CDK12: variants seen among roughly 807,000 people sequenced by gnomAD.
The protein encoded by CDK12 is cyclin dependent kinase 12, also known as cyclin-dependent kinase 12.
Under a neutral mutation model 133.8 loss-of-function variants are expected in CDK12, and 17 were observed. The observed-to-expected ratio is 0.13, with a 90% CI of 0.09 to 0.19. CDK12 has a LOEUF of 0.19. CDK12 is among the 10% of genes least tolerant of loss of function. The pLI, the probability that CDK12 is intolerant of heterozygous loss-of-function variation, is 1.00. For synonymous variants in CDK12, 694 were observed against 683.6 expected (o/e 1.02, Z -0.24); for missense variants, 1,508 against 1,818.7 (o/e 0.83, Z 3.11).
At chr17:39,494,479 C>T (rs1182118826) in intron 4 of CDK12, 45 bp from the exon 5 acceptor site, 2 of 1,577,572 alleles carry the variant, frequency 1.3e-6, no homozygotes, top group Middle Eastern at 1.7e-4. Context: ...ACAATAGTGG[C>T]CAAAAATGCT....
In CDK12 at chr17:39,490,584, T is replaced by G. The variant is rs1484193039; in HGVS notation, c.1959T>G (p.Pro653=). The G allele has an allele frequency of 1.9e-6, 3 of 1,612,646 alleles. No homozygotes were observed. The highest frequency in any genetic ancestry group is 2.5e-6 in the Non-Finnish European group (3 of 1,179,222). The part of the protein sequence containing the change: ...DSPKETLPSK[P]VKKEKEQRTR... Reference sequence around the variant, plus strand: ...CAAAAGAAACTCTTCCTTCAAAACCTGTGAAGAAAGAGAAGGAACAGAGGA... The same window carrying G: ...CAAAAGAAACTCTTCCTTCAAAACCGGTGAAGAAAGAGAAGGAACAGAGGA... Residue 653 remains proline (P), a synonymous_variant, in exon 3 of 14, where the codon CCT becomes CCG. Transcript: ENST00000447079.
At chr17:39,508,612 C>A (rs1464767810) in intron 6 of CDK12, among the ~76,000 whole-genome samples, 1 of 151,996 alleles carries the variant, frequency 6.6e-6, no homozygotes, top group Non-Finnish European at 1.5e-5. Context: ...TGCAGCAAAC[C>A]ACCATGGCAC....
intron 2 of CDK12, among the ~76,000 whole-genome samples, chr17:39,552,864 G>T (rs2056009596): frequency 1.3e-5 from 2 of 152,108 alleles, no homozygotes; most frequent in African/African-American, 2.4e-5. Flanking sequence ...AAGTACCTGG[G>T]ATTATAGGTG....
In CDK12 at chr17:39,504,915, A is replaced by T. The variant is rs2052992805; in HGVS notation, c.2609+3476A>T. On this transcript the variant is annotated intron_variant, in intron 6 of 13. Transcript: ENST00000447079. Reference sequence around the variant, plus strand: ...AAAAAAAAAACGCTAAGGAGAAAGAAAATCTATAAAAAGGGAGCAGTTGAA... The same window carrying T: ...AAAAAAAAAACGCTAAGGAGAAAGATAATCTATAAAAAGGGAGCAGTTGAA... Among the ~76,000 whole-genome samples the T allele has an allele frequency of 2.7e-5, 4 of 150,598 alleles. No homozygotes were observed. The South Asian group carries it at 8.4e-4, about 32-fold the overall frequency.
chr17:39,543,371 C>G (rs767855335), upstream of CDK12, among the ~76,000 whole-genome samples: 46 of 152,300 alleles, frequency 3.0e-4, no homozygotes, highest in Admixed American at 5.9e-4. Flanking sequence ...TGCCAAGATG[C>G]CTTTCCCTCT....
At chr17:39,487,834 T>C (rs921879878) in intron 2 of CDK12, among the ~76,000 whole-genome samples, 1 of 152,018 alleles carries the variant, frequency 6.6e-6, no homozygotes, top group Non-Finnish European at 1.5e-5. Flanking sequence ...AGGTTGGTCT[T>C]GAACTCCTGG....
chr17:39,499,510 CT>C (rs11386819), intron 5 of CDK12, among the ~76,000 whole-genome samples: 90 of 131,256 alleles, frequency 6.9e-4, no homozygotes, highest in Middle Eastern at 0.011. Context: ...CGCCCAGCCT[CT>C]TTTTTTTTTT....
intron 3 of CDK12, among the ~76,000 whole-genome samples, chr17:39,491,733 C>T (rs1374846896): frequency 1.4e-5 from 2 of 144,490 alleles, no homozygotes; most frequent in African/African-American, 5.1e-5. Flanking sequence ...GACAGAGTCT[C>T]CCTCTGTCAC....
intron 5 of CDK12, among the ~76,000 whole-genome samples, chr17:39,496,891 C>A (rs929664080): frequency 2.7e-5 from 4 of 145,774 alleles, no homozygotes; most frequent in Non-Finnish European, 4.5e-5. Context: ...CTCAGTGTAT[C>A]CTCCCCAACA....
intron 8 of CDK12, among the ~76,000 whole-genome samples, chr17:39,513,113 A>C (rs531246113): frequency 1.3e-5 from 2 of 152,224 alleles, no homozygotes; most frequent in South Asian, 4.1e-4. Context: ...TTCTCTAAGG[A>C]GTCTTAGTTC....
intron 8 of CDK12, among the ~76,000 whole-genome samples, chr17:39,511,968 T>C (rs930957709): frequency 2.6e-5 from 4 of 152,232 alleles, no homozygotes; most frequent in African/African-American, 9.6e-5. Flanking sequence ...TTTTGTTTCC[T>C]TATAATTTCA....
At chr17:39,522,322 G>C (rs111442816) in intron 11 of CDK12, among the ~76,000 whole-genome samples, 1 of 152,174 alleles carries the variant, frequency 6.6e-6, no homozygotes, top group African/African-American at 2.4e-5. Flanking sequence ...CCCGACCTCA[G>C]GTAATCTGCC....
chr17:39,493,291 C>T lies in CDK12; in HGVS notation c.2248+401C>T, dbSNP rs12938088. Among the ~76,000 whole-genome samples the T allele has an allele frequency of 2.0e-5, 3 of 151,366 alleles. No individual in the cohort carries two copies. In the Admixed American group the frequency reaches 2.0e-4, roughly 10 times the overall value. On this transcript the variant is annotated intron_variant, in intron 4 of 13. Coordinates refer to ENST00000447079, the MANE Select transcript of CDK12 (RefSeq NM_016507.4). ...GTGCTGGGATTATAGATGTGAGCCACGGCGCCAGGCCTTTTTTTATTTTTA... is the reference window on the plus strand; with the variant it reads ...GTGCTGGGATTATAGATGTGAGCCATGGCGCCAGGCCTTTTTTTATTTTTA...
chr17:39,562,273 T>C (rs1343249144), intron 3 of CDK12, among the ~76,000 whole-genome samples: 2 of 152,194 alleles, frequency 1.3e-5, no homozygotes, highest in East Asian at 3.9e-4. Context: ...CCACACTTTA[T>C]CATCGAAACA....
At position 39,524,682 on chromosome 17, in the gene CDK12, A is replaced by G. The variant is rs765435847; in HGVS notation, c.3104A>G (p.His1035Arg). The change falls in exon 12 of 14, where the codon CAC (histidine) becomes CGC (arginine). Residue 1035 changes from histidine (H) to arginine (R), a missense_variant. By Grantham distance (29) the His-to-Arg change is conservative (BLOSUM62 0). Coordinates refer to ENST00000447079, the MANE Select transcript of CDK12 (RefSeq NM_016507.4). ...GCTTTGTCTTTTTCCAGCCTCCCCC[A>G]CTGGCAGGATTGCCATGAGTTGTGG... Reference protein sequence around the residue: ...LSKMAPPDLPHWQDCHELWSK... With the variant: ...LSKMAPPDLPRWQDCHELWSK... 1.9e-6 allele frequency: 3 copies of G among 1,613,900 alleles called. No individual in the cohort carries two copies. The highest frequency in any genetic ancestry group is 1.3e-5 in the African/African-American group (1 of 74,986).
upstream of CDK12, chr17:39,549,203 G>T (rs538880250): frequency 2.0e-5 from 3 of 152,094 alleles, no homozygotes; most frequent in African/African-American, 7.3e-5. Context: ...CTTGGGGCCA[G>T]AGGGCTTTGC....
intron 2 of CDK12, among the ~76,000 whole-genome samples, chr17:39,479,731 A>G (rs1373240884): frequency 6.6e-6 from 1 of 151,362 alleles, no homozygotes; most frequent in Non-Finnish European, 1.5e-5. Context: ...GGTTCAAGCA[A>G]TTCTCCTGCC....
chr17:39,465,700 A>G (rs1270010057), intron 1 of CDK12, among the ~76,000 whole-genome samples: 1 of 152,002 alleles, frequency 6.6e-6, no homozygotes, highest in Non-Finnish European at 1.5e-5. Context: ...CATGTTGGCC[A>G]GGTTGGTCTC....
At chr17:39,566,414 C>A (rs1203284500), downstream of CDK12, among the ~76,000 whole-genome samples, 2 of 152,078 alleles carry the variant, frequency 1.3e-5, no homozygotes, top group South Asian at 4.1e-4. Flanking sequence ...GCAGTGTTGT[C>A]CCTATCATTT....
Sources: gnomAD v4.1 joint callset for allele counts (sites outside exome capture counted in the v4.1 genomes callset) on GRCh38, gnomAD v4.1.1 for gene constraint, MANE v1.5 for transcripts, NCBI Gene and HGNC (gene_info 2026-07-23, HGNC 2026-07-21) for gene names.